XIRP2: variants seen among roughly 807,000 people sequenced by gnomAD.
The protein encoded by XIRP2 is xin actin-binding repeat-containing protein 2.
Under a neutral mutation model 277.0 loss-of-function variants are expected in XIRP2, and 236 were observed. The observed-to-expected ratio is 0.85, with a 90% CI of 0.77 to 0.95. The LOEUF is 0.95. XIRP2 is among the 40% of genes least tolerant of loss of function. XIRP2 has a pLI of 0.00. For missense variants in XIRP2, 4,640 were observed against 4,157.5 expected, an observed-to-expected ratio of 1.12 and a Z score of -3.19; for synonymous variants, 1,490 against 1,416.5, an observed-to-expected ratio of 1.05 and a Z score of -1.17.
Position 167,176,116 on chromosome 2 carries a change from G to A in XIRP2, c.563-34619G>A, listed in dbSNP as rs909753823. 3.3e-5 allele frequency among the ~76,000 whole-genome samples: 5 copies of A among 152,146 alleles called. No homozygotes were observed. The South Asian group carries it at 1.0e-3, about 32-fold the overall frequency. ...CTCCCTGGCTTCAGCCCCCTTTCCAGGGGAGTGAACGGTTCTGTCTCGTTG... is the reference window on the plus strand; with the variant it reads ...CTCCCTGGCTTCAGCCCCCTTTCCAAGGGAGTGAACGGTTCTGTCTCGTTG... On this transcript the variant is annotated intron_variant, in intron 3 of 10. Transcript: ENST00000409195.
Position 167,259,538 on chromosome 2 carries a change from A to G in XIRP2, c.*1721A>G, listed in dbSNP as rs553565399. 4.8e-5 allele frequency: 28 copies of G among 583,936 alleles called. No homozygotes were observed. In the East Asian group the frequency reaches 5.9e-4, roughly 12 times the overall value. The allele number at this position is 583,936 out of a possible 1,614,324, so 36.2% of individuals were successfully genotyped here. On this transcript the variant is annotated 3_prime_UTR_variant, in exon 11 of 11. Coordinates refer to ENST00000409195, the MANE Select transcript of XIRP2 (RefSeq NM_152381.6). The stretch of plus-strand genomic sequence containing the variant: ...TGTATTACACCTTGTCATTTTTTTC[A>G]CAATTTATTTACATCTACTTTTGTT...
intron 7 of XIRP2, 74 bp downstream of exon 7, chr2:167,240,810 C>T (rs2078111268): frequency 7.8e-7 from 1 of 1,283,006 alleles, no homozygotes. Context: ...GGATGACTTC[C>T]AAAGCACAGT....
chr2:167,256,879 A>G (rs943740422), intron 10 of XIRP2, among the ~76,000 whole-genome samples: 12 of 151,868 alleles, frequency 7.9e-5, no homozygotes, highest in African/African-American at 1.2e-4. Flanking sequence ...TCATTTCTGT[A>G]ATCATTATCC....
chr2:167,024,820 G>C (rs1688102585), intron 2 of XIRP2, among the ~76,000 whole-genome samples: 1 of 152,122 alleles, frequency 6.6e-6, no homozygotes, highest in Admixed American at 6.6e-5. Context: ...GATCATGGTG[G>C]ATAAGTTTTT....
intron 2 of XIRP2, among the ~76,000 whole-genome samples, chr2:166,942,668 A>G (rs1268774438): frequency 1.3e-5 from 2 of 152,226 alleles, no homozygotes; most frequent in Non-Finnish European, 2.9e-5. Flanking sequence ...ACAATTACCA[A>G]GAGTAGGCAG....
intron 2 of XIRP2, among the ~76,000 whole-genome samples, chr2:167,042,448 T>G (rs1688681890): frequency 6.6e-6 from 1 of 151,960 alleles, no homozygotes; most frequent in Non-Finnish European, 1.5e-5. Context: ...AAGACCCATA[T>G]CAAATGCAAT....
intron 2 of XIRP2, among the ~76,000 whole-genome samples, chr2:167,009,898 T>A (rs550874476): frequency 2.8e-4 from 43 of 152,276 alleles, no homozygotes; most frequent in African/African-American, 9.9e-4. Context: ...CTTCACCCAC[T>A]TTTTGATGGG....
intron 3 of XIRP2, among the ~76,000 whole-genome samples, chr2:167,175,249 T>C (rs1215016519): frequency 6.6e-6 from 1 of 152,196 alleles, no homozygotes; most frequent in Non-Finnish European, 1.5e-5. Flanking sequence ...ATCTGGGTGC[T>C]CCTGTATTGG....
At chr2:167,167,642 C>T (rs1407113232) in intron 3 of XIRP2, among the ~76,000 whole-genome samples, 1 of 152,000 alleles carries the variant, frequency 6.6e-6, no homozygotes, top group African/African-American at 2.4e-5. Context: ...CTAATTCCTC[C>T]CTCCTATCCC....
intron 2 of XIRP2, among the ~76,000 whole-genome samples, chr2:167,000,462 G>A (rs1443644845): frequency 1.3e-5 from 2 of 150,426 alleles, no homozygotes; most frequent in East Asian, 3.9e-4. Flanking sequence ...GGTAGTTAGA[G>A]CTAGGGTTAA....
intron 3 of XIRP2, among the ~76,000 whole-genome samples, chr2:167,155,258 C>T (rs901269004): frequency 1.3e-5 from 2 of 151,832 alleles, no homozygotes; most frequent in Non-Finnish European, 2.9e-5. Context: ...AGGCCAGCAT[C>T]ATCCTGATAC....
chr2:167,105,616 A>G (rs1283758535), intron 2 of XIRP2, among the ~76,000 whole-genome samples: 2 of 151,936 alleles, frequency 1.3e-5, no homozygotes, highest in African/African-American at 4.8e-5. Context: ...TATGAATGTG[A>G]ATATTCATAC....
chr2:167,137,192 G>T (rs1298334143), intron 3 of XIRP2, among the ~76,000 whole-genome samples: 2 of 152,202 alleles, frequency 1.3e-5, no homozygotes, highest in Non-Finnish European at 2.9e-5. Flanking sequence ...TGGGAGGCAG[G>T]TGTAGGAACA....
chr2:167,159,964 A>G (rs1328271538), intron 3 of XIRP2, among the ~76,000 whole-genome samples: 1 of 152,232 alleles, frequency 6.6e-6, no homozygotes, highest in Non-Finnish European at 1.5e-5. Context: ...CTTTTCCAAC[A>G]TATGCAATGC....
intron 3 of XIRP2, among the ~76,000 whole-genome samples, chr2:167,210,504 G>T (rs1693992758): frequency 6.6e-6 from 1 of 152,160 alleles, no homozygotes; most frequent in Non-Finnish European, 1.5e-5. Context: ...AATTGCAAGA[G>T]TTGGGGGGAT....
intron 2 of XIRP2, among the ~76,000 whole-genome samples, chr2:167,028,353 G>A (rs1688232987): frequency 6.6e-6 from 1 of 151,976 alleles, no homozygotes. Context: ...GGCAGCTCAG[G>A]ACATACTGAG....
chr2:167,130,427 G>A (rs1018564060), intron 2 of XIRP2, among the ~76,000 whole-genome samples: 18 of 152,084 alleles, frequency 1.2e-4, no homozygotes, highest in Admixed American at 1.2e-3. Flanking sequence ...TGAGTTCCTA[G>A]GTTTCCTCCT....
chr2:167,088,347 C>G (rs1488454248), intron 2 of XIRP2, among the ~76,000 whole-genome samples: 2 of 152,086 alleles, frequency 1.3e-5, no homozygotes, highest in Non-Finnish European at 2.9e-5. Context: ...CCCTGCATTT[C>G]TGACTAGGTG....
intron 3 of XIRP2, chr2:167,187,621 T>G: frequency 4.7e-6 from 4 of 856,650 alleles, no homozygotes; most frequent in Non-Finnish European, 5.6e-6. Context: ...AGACCATAGG[T>G]CAAATTGTAA....
Sources: allele counts gnomAD v4.1 joint callset (sites outside exome capture counted in the v4.1 genomes callset), GRCh38; gene constraint gnomAD v4.1.1; transcripts MANE v1.5; gene names NCBI Gene and HGNC (gene_info 2026-07-23, HGNC 2026-07-21).